Variants in ICAM2 observed in about 807,000 individuals in gnomAD.
ICAM2 encodes the protein ICAM-2.
Under a neutral mutation model 19.1 loss-of-function variants are expected in ICAM2, and 14 were observed. That is an observed-to-expected ratio of 0.73 (90% CI 0.48 to 1.15). ICAM2 has a LOEUF of 1.15. Ranked by LOEUF, ICAM2 falls within the 50% of genes most tolerant of loss-of-function variation. The probability of loss-of-function intolerance (pLI) is 0.00; values close to 1 mark genes in which losing one functional copy is unlikely to be tolerated. For synonymous variants in ICAM2, 153 were observed against 152.7 expected, an observed-to-expected ratio of 1.00 and a Z score of -0.01; for missense variants, 311 against 355.4, an observed-to-expected ratio of 0.88 and a Z score of 1.00.
At chr17:64,007,138 A>G (rs930576905) in intron 1 of ICAM2, among the ~76,000 whole-genome samples, 1 of 152,216 alleles carries the variant, frequency 6.6e-6, no homozygotes, top group Non-Finnish European at 1.5e-5. Flanking sequence ...TTACCATAGC[A>G]AAAGGGGACA....
At chr17:64,007,662 A>C (rs1911273751) in intron 1 of ICAM2, 1 of 152,290 alleles carries the variant, frequency 6.6e-6, no homozygotes, top group Non-Finnish European at 1.5e-5. Context: ...AGTCCCCAGC[A>C]ACCCAGGCAC....
intron 1 of ICAM2, among the ~76,000 whole-genome samples, chr17:64,017,749 C>T (rs1332197843): frequency 6.6e-6 from 1 of 152,042 alleles, no homozygotes; most frequent in Non-Finnish European, 1.5e-5. Flanking sequence ...AATAAAGAGC[C>T]CAGAAATACA....
At chr17:64,014,330 GGAAAGAAA>G (rs1187209016) in intron 1 of ICAM2, among the ~76,000 whole-genome samples, 12 of 31,154 alleles carry the variant, frequency 3.9e-4, no homozygotes, top group African/African-American at 1.2e-3. Context: ...AAGGAAGGAA[GGAAAGAAA>G]GAAAGAAAGA....
intron 1 of ICAM2, among the ~76,000 whole-genome samples, chr17:64,013,845 A>G (rs1911547722): frequency 6.6e-6 from 1 of 152,100 alleles, no homozygotes; most frequent in Non-Finnish European, 1.5e-5. Flanking sequence ...ATATAGAACT[A>G]TAAAGAGGTA....
At chr17:64,018,149 T>C (rs796093862) in intron 1 of ICAM2, among the ~76,000 whole-genome samples, 2 of 151,796 alleles carry the variant, frequency 1.3e-5, no homozygotes, top group Non-Finnish European at 2.9e-5. Context: ...CTGGCCAACA[T>C]GGTGAAACCC....
At position 64,003,893 on chromosome 17, in the gene ICAM2, A is replaced by C; in HGVS notation, c.400T>G (p.Cys134Gly). 1 of 1,614,140 alleles carries C rather than the reference A, an allele frequency of 6.2e-7. No individual in the cohort carries two copies. Residue 134 changes from cysteine (C) to glycine (G), a missense_variant, in exon 4 of 5, where the codon TGC becomes GGC. Coordinates refer to ENST00000579788, the MANE Select transcript of ICAM2 (RefSeq NM_001099789.2). ...VAVGKSFTIE[C>G]RVPTVEPLDS... ...AGGGGCTCCACGGTGGGCACCCTGC[A>C]CTCAATGGTGAAGGACTTGCCCACA...
intron 1 of ICAM2, among the ~76,000 whole-genome samples, chr17:64,010,285 C>G (rs1180057262): frequency 2.6e-5 from 4 of 152,192 alleles, no homozygotes; most frequent in Non-Finnish European, 5.9e-5. Context: ...AGAGAAGAAA[C>G]TCGGGGTCCT....
At chr17:64,002,950 T>C (rs1910899148) in intron 4 of ICAM2, 25 bp from the exon 5 acceptor site, 1 of 1,600,134 alleles carries the variant, frequency 6.2e-7, no homozygotes, top group Non-Finnish European at 8.5e-7. Flanking sequence ...GGCAAGGGTC[T>C]TAGACGTCCT....
At chr17:64,013,641 GA>G (rs1335077812) in intron 1 of ICAM2, among the ~76,000 whole-genome samples, 1 of 152,122 alleles carries the variant, frequency 6.6e-6, no homozygotes, top group Non-Finnish European at 1.5e-5. Flanking sequence ...AACACCAAAA[GA>G]AAGCTTGGAA....
chr17:64,019,202 A>G (rs1911843760), intron 1 of ICAM2, among the ~76,000 whole-genome samples: 2 of 152,196 alleles, frequency 1.3e-5, no homozygotes. Flanking sequence ...CAGTAACGCT[A>G]TATAACTGTT....
At chr17:64,006,453 T>G (rs1911212336) in intron 2 of ICAM2, 178 bp downstream of exon 2, 1 of 607,380 alleles carries the variant, frequency 1.6e-6, no homozygotes, top group Non-Finnish European at 3.0e-6. Flanking sequence ...GCCATGATCA[T>G]GCCACTGTAC....
At position 64,003,865 on chromosome 17, in the gene ICAM2, T is replaced by C; in HGVS notation, c.428A>G (p.Asp143Gly). The change falls in exon 4 of 5, where the codon GAC becomes GGC. Residue 143 changes from aspartate to glycine, a missense_variant. Physicochemically the swap from Asp to Gly is moderately conservative, Grantham distance 94 (BLOSUM62 -1). Coordinates refer to ENST00000579788, the MANE Select transcript of ICAM2 (RefSeq NM_001099789.2). ...ACGGAACAGGAAGAGGGTGAGGCTGTCCAGGGGCTCCACGGTGGGCACCCT... is the reference window on the plus strand; with the variant it reads ...ACGGAACAGGAAGAGGGTGAGGCTGCCCAGGGGCTCCACGGTGGGCACCCT... ...ECRVPTVEPL[D>G]SLTLFLFRGN... The C allele has an allele frequency of 6.2e-7, 1 of 1,614,206 alleles. No individual in the cohort carries two copies. Among genetic ancestry groups the C allele is most frequent in the Non-Finnish European group, 8.5e-7 (1 of 1,180,028 alleles).
At chr17:64,019,018 C>T (rs1424483523) in intron 1 of ICAM2, among the ~76,000 whole-genome samples, 1 of 152,088 alleles carries the variant, frequency 6.6e-6, no homozygotes, top group African/African-American at 2.4e-5. Flanking sequence ...CTGCTCCCGG[C>T]CTTACTTCTC....
At chr17:64,020,306 T>C (rs1450123018) in intron 1 of ICAM2, 1 of 150,328 alleles carries the variant, frequency 6.7e-6, no homozygotes, top group East Asian at 2.0e-4. Context: ...CCAGGGCAAG[T>C]GCGTGAGCTC....
chr17:64,014,713 G>A (rs1911640831), intron 1 of ICAM2, among the ~76,000 whole-genome samples: 2 of 8,194 alleles, frequency 2.4e-4, no homozygotes, highest in Non-Finnish European at 7.3e-4. Context: ...AAGGAAGGAA[G>A]GAAGGAAGGA....
chr17:64,011,724 C>T (rs1012924551), intron 1 of ICAM2, among the ~76,000 whole-genome samples: 3 of 151,856 alleles, frequency 2.0e-5, no homozygotes, highest in Non-Finnish European at 4.4e-5. Flanking sequence ...CACAGGGAGA[C>T]CCTGTCTCTA....
chr17:64,012,147 A>C (rs1911479542), intron 1 of ICAM2, among the ~76,000 whole-genome samples: 1 of 152,230 alleles, frequency 6.6e-6, no homozygotes, highest in Non-Finnish European at 1.5e-5. Context: ...CAATATGTTA[A>C]GTGAAATAAG....
At chr17:64,014,946 C>T (rs1911663896) in intron 1 of ICAM2, among the ~76,000 whole-genome samples, 1 of 151,936 alleles carries the variant, frequency 6.6e-6, no homozygotes, top group African/African-American at 2.4e-5. Flanking sequence ...AAAACCCTTC[C>T]CTACAAAACT....
chr17:64,020,239 C>T (rs1338306788), intron 1 of ICAM2, among the ~76,000 whole-genome samples: 3 of 151,994 alleles, frequency 2.0e-5, no homozygotes, highest in African/African-American at 4.8e-5. Context: ...TCTACATCGG[C>T]CACCGAGATG....
Sources: allele counts gnomAD v4.1 joint callset (sites outside exome capture counted in the v4.1 genomes callset), GRCh38; gene constraint gnomAD v4.1.1; transcripts MANE v1.5; gene names NCBI Gene and HGNC (gene_info 2026-07-23, HGNC 2026-07-21).